SNTB1: variants seen among roughly 807,000 people sequenced by gnomAD.
The protein encoded by SNTB1 is beta-1-syntrophin.
Under a neutral mutation model 48.9 loss-of-function variants are expected in SNTB1, and 36 were observed. The observed-to-expected ratio is 0.74, with a 90% CI of 0.56 to 0.97. The LOEUF is 0.97. Ranked by LOEUF, SNTB1 falls within the 50% of genes least tolerant of loss-of-function variation. The probability of loss-of-function intolerance (pLI) is 0.00; values close to 1 mark genes in which losing one functional copy is unlikely to be tolerated. For missense variants in SNTB1, 786 were observed against 703.4 expected, an observed-to-expected ratio of 1.12 and a Z score of -1.33; for synonymous variants, 299 against 294.6, an observed-to-expected ratio of 1.01 and a Z score of -0.15.
rs574021702 is a variant in SNTB1, at chr8:120,629,828, G to A, written c.996+2616C>T. Among the ~76,000 whole-genome samples, 48 of 152,230 alleles carry A rather than the reference G, an allele frequency of 3.2e-4. No homozygotes were observed. In the South Asian group the frequency reaches 7.3e-3, roughly 23 times the overall value. ...ATACCCTTAAGGAGACCTCTGGAAC[G>A]ATGATCTGAAATTACACCATAAGAA... is the stretch of plus-strand genomic sequence containing the variant. On this transcript the variant is annotated intron_variant, in intron 3 of 6. Coordinates refer to ENST00000517992, the MANE Select transcript of SNTB1 (RefSeq NM_021021.4).
At chr8:120,696,386 C>T (rs1818210922) in intron 1 of SNTB1, among the ~76,000 whole-genome samples, 1 of 152,008 alleles carries the variant, frequency 6.6e-6, no homozygotes, top group South Asian at 2.1e-4. Context: ...TATTGCAATT[C>T]CATAGAAAAG....
chr8:120,750,958 C>T (rs186946094), intron 1 of SNTB1, among the ~76,000 whole-genome samples: 1 of 152,188 alleles, frequency 6.6e-6, no homozygotes, highest in Non-Finnish European at 1.5e-5. Context: ...CACATACAAT[C>T]AGCCTGCTAC....
chr8:120,555,542 G>C (rs1372507944), intron 4 of SNTB1, among the ~76,000 whole-genome samples: 2 of 152,254 alleles, frequency 1.3e-5, no homozygotes, highest in East Asian at 1.9e-4. Context: ...AAAATGTCTA[G>C]TCCGTAGTTC....
At chr8:120,547,840 C>T (rs913825700) in intron 5 of SNTB1, among the ~76,000 whole-genome samples, 1 of 152,142 alleles carries the variant, frequency 6.6e-6, no homozygotes, top group Non-Finnish European at 1.5e-5. Flanking sequence ...GGGCACTGGT[C>T]ACTCTTCCCA....
chr8:120,698,539 T>C (rs144736113), intron 1 of SNTB1, among the ~76,000 whole-genome samples: 29 of 152,004 alleles, frequency 1.9e-4, no homozygotes, highest in African/African-American at 6.5e-4. Flanking sequence ...TTTGTTATTG[T>C]GTATAATAAA....
At chr8:120,694,991 T>C (rs1818188768) in intron 1 of SNTB1, among the ~76,000 whole-genome samples, 1 of 152,206 alleles carries the variant, frequency 6.6e-6, no homozygotes, top group African/African-American at 2.4e-5. Context: ...TTTGCCTTGG[T>C]ATCAAGAAGT....
intron 4 of SNTB1, among the ~76,000 whole-genome samples, chr8:120,555,727 T>C (rs1352531915): frequency 6.6e-6 from 1 of 151,994 alleles, no homozygotes; most frequent in Non-Finnish European, 1.5e-5. Context: ...TTAACCCCTA[T>C]AGCAATAGGA....
intron 5 of SNTB1, among the ~76,000 whole-genome samples, chr8:120,544,149 A>G (rs985099189): frequency 2.0e-5 from 3 of 152,136 alleles, no homozygotes; most frequent in Non-Finnish European, 4.4e-5. Flanking sequence ...GGGCTGTAAA[A>G]ATGATGTTCT....
intron 3 of SNTB1, among the ~76,000 whole-genome samples, chr8:120,611,822 GAAAA>G (rs397892337): frequency 8.6e-5 from 5 of 58,448 alleles, no homozygotes; most frequent in Admixed American, 6.5e-4. Flanking sequence ...ACTCTGTCTC[GAAAA>G]AAAAAAAAAA....
intron 2 of SNTB1, among the ~76,000 whole-genome samples, chr8:120,665,737 T>C (rs1276522789): frequency 6.6e-6 from 1 of 152,242 alleles, no homozygotes; most frequent in East Asian, 1.9e-4. Context: ...GAAGGAATTT[T>C]TGTATACAGT....
intron 2 of SNTB1, among the ~76,000 whole-genome samples, chr8:120,665,033 A>G (rs1817651444): frequency 6.6e-6 from 1 of 152,220 alleles, no homozygotes; most frequent in Non-Finnish European, 1.5e-5. Context: ...AATGAAGTAG[A>G]TCACCTTTTC....
intron 3 of SNTB1, among the ~76,000 whole-genome samples, chr8:120,614,440 G>A (rs956143489): frequency 1.3e-5 from 2 of 152,168 alleles, no homozygotes; most frequent in Non-Finnish European, 2.9e-5. Context: ...GAGTGTGCTG[G>A]TAGAAATTCT....
At chr8:120,555,844 C>T (rs1341753194) in intron 4 of SNTB1, among the ~76,000 whole-genome samples, 5 of 152,110 alleles carry the variant, frequency 3.3e-5, no homozygotes, top group African/African-American at 1.2e-4. Flanking sequence ...AAAATCTCTC[C>T]CCCTCCCGTG....
intron 1 of SNTB1, among the ~76,000 whole-genome samples, chr8:120,712,641 T>C (rs1245838741): frequency 6.6e-6 from 1 of 152,146 alleles, no homozygotes; most frequent in Non-Finnish European, 1.5e-5. Context: ...TAAGCCACTG[T>C]AATAACATGG....
chr8:120,636,283 A>G (rs4871082), intron 2 of SNTB1, among the ~76,000 whole-genome samples: 96,603 of 147,042 alleles, frequency 0.66, 33,314 homozygotes, highest in Middle Eastern at 0.79. Flanking sequence ...GGGTACATGT[A>G]CACATTGTGC....
intron 1 of SNTB1, among the ~76,000 whole-genome samples, chr8:120,791,701 T>C (rs550050978): frequency 1.3e-5 from 2 of 151,868 alleles, no homozygotes; most frequent in Admixed American, 1.3e-4. Context: ...CATGAAAAAA[T>C]GCTCAACATC....
At chr8:120,581,355 G>A (rs903452478) in intron 3 of SNTB1, among the ~76,000 whole-genome samples, 1 of 152,182 alleles carries the variant, frequency 6.6e-6, no homozygotes, top group Non-Finnish European at 1.5e-5. Context: ...TGTAATCCCA[G>A]CATTTTGGGA....
At chr8:120,751,108 T>C (rs540522524) in intron 1 of SNTB1, among the ~76,000 whole-genome samples, 3 of 152,068 alleles carry the variant, frequency 2.0e-5, no homozygotes, top group Non-Finnish European at 4.4e-5. Context: ...AGTCACAGAA[T>C]GGAGAAGTTC....
chr8:120,541,600 T>C (rs1815290294), intron 6 of SNTB1, among the ~76,000 whole-genome samples: 2 of 152,212 alleles, frequency 1.3e-5, no homozygotes, highest in African/African-American at 4.8e-5. Context: ...TTGACTCAAA[T>C]ATTTATGTAG....
Sources: gnomAD v4.1 joint callset for allele counts (sites outside exome capture counted in the v4.1 genomes callset) on GRCh38, gnomAD v4.1.1 for gene constraint, MANE v1.5 for transcripts, NCBI Gene and HGNC (gene_info 2026-07-23, HGNC 2026-07-21) for gene names.